The following PARP8 variants were observed in gnomAD, a reference collection of about 807,000 sequenced individuals.
PARP8 encodes protein mono-ADP-ribosyltransferase PARP8.
In PARP8, 51 loss-of-function variants were observed where a neutral mutation model predicts 124.1. The ratio of observed to expected loss-of-function variants is 0.41; its 90% CI spans 0.33 to 0.52. The LOEUF is 0.52. Among genes scored for constraint, PARP8 ranks in the 20% least tolerant of loss-of-function variants. PARP8 has a pLI of 0.21. For missense variants in PARP8, 860 were observed against 1,018.9 expected (o/e 0.84, Z 2.12); for synonymous variants, 391 against 361.5 (o/e 1.08, Z -0.93).
intron 2 of PARP8, among the ~76,000 whole-genome samples, chr5:50,697,259 AAAAC>A (rs940563663): frequency 1.2e-4 from 18 of 152,182 alleles, no homozygotes; most frequent in African/African-American, 4.1e-4. Context: ...CGTCTCAAAG[AAAAC>A]AAACAAAAAA....
At chr5:50,835,388 CAAAAATTA>C (rs1747460972) in intron 25 of PARP8, among the ~76,000 whole-genome samples, 1 of 151,982 alleles carries the variant, frequency 6.6e-6, no homozygotes, top group African/African-American at 2.4e-5. Context: ...ACTAAAAATA[CAAAAATTA>C]GCTGGGCGCG....
intron 1 of PARP8, chr5:50,667,614 C>A (rs1327249121): frequency 2.9e-6 from 2 of 698,920 alleles, no homozygotes; most frequent in Non-Finnish European, 5.2e-6. Context: ...AAGCTGCGCC[C>A]GGCGCCGAGG....
intron 15 of PARP8, among the ~76,000 whole-genome samples, chr5:50,815,990 G>T (rs1745057263): frequency 6.7e-6 from 1 of 150,230 alleles, no homozygotes; most frequent in African/African-American, 2.5e-5. Context: ...AAAATTTCCA[G>T]ATTTTTTTTT....
At chr5:50,741,276 C>T (rs531834655) in intron 2 of PARP8, among the ~76,000 whole-genome samples, 1 of 151,954 alleles carries the variant, frequency 6.6e-6, no homozygotes, top group African/African-American at 2.4e-5. Context: ...ATGACATGCT[C>T]TATCTACTAT....
At chr5:50,786,721 C>G (rs553977590) in intron 9 of PARP8, among the ~76,000 whole-genome samples, 3 of 152,076 alleles carry the variant, frequency 2.0e-5, no homozygotes, top group Admixed American at 2.0e-4. Context: ...AATCTTCCAT[C>G]CGCTTGGCCA....
At chr5:50,714,552 C>G (rs1261564927) in intron 2 of PARP8, among the ~76,000 whole-genome samples, 1 of 152,052 alleles carries the variant, frequency 6.6e-6, no homozygotes, top group Non-Finnish European at 1.5e-5. Flanking sequence ...TAGGTAGCCA[C>G]TGATTTTGCA....
chr5:50,768,171 A>G (rs1191235687), intron 7 of PARP8, among the ~76,000 whole-genome samples: 1 of 152,210 alleles, frequency 6.6e-6, no homozygotes, highest in Admixed American at 6.5e-5. Context: ...TTATAGACAA[A>G]GGAGGACCAA....
At chr5:50,794,067 GTA>G in intron 10 of PARP8, 138 bp from the exon 11 acceptor site, 1 of 880,960 alleles carries the variant, frequency 1.1e-6, no homozygotes, top group Non-Finnish European at 1.6e-6. Flanking sequence ...GAAAAATCTT[GTA>G]TGATTCTAAA....
chr5:50,688,160 T>C (rs1752082101), intron 2 of PARP8, among the ~76,000 whole-genome samples: 1 of 152,200 alleles, frequency 6.6e-6, no homozygotes, highest in African/African-American at 2.4e-5. Flanking sequence ...CAGGAAAATT[T>C]CTAAGAAATA....
intron 2 of PARP8, among the ~76,000 whole-genome samples, chr5:50,685,012 T>C (rs912546194): frequency 1.3e-5 from 2 of 152,212 alleles, no homozygotes; most frequent in African/African-American, 2.4e-5. Flanking sequence ...AGCTCCTTTT[T>C]TGTTTTTTTT....
chr5:50,773,256 A>G (rs1761807747), intron 7 of PARP8, among the ~76,000 whole-genome samples: 1 of 152,222 alleles, frequency 6.6e-6, no homozygotes, highest in South Asian at 2.1e-4. Flanking sequence ...TGGCCAGACA[A>G]ATGCCATGAA....
chr5:50,836,672 T>A (rs13180000), intron 25 of PARP8, among the ~76,000 whole-genome samples: 32,255 of 152,074 alleles, frequency 0.21, 3,592 homozygotes, highest in South Asian at 0.33. Flanking sequence ...AGAAGCTAAC[T>A]GCACACAGTA....
At chr5:50,793,116 C>T (rs185389064) in intron 10 of PARP8, among the ~76,000 whole-genome samples, 2 of 152,182 alleles carry the variant, frequency 1.3e-5, no homozygotes, top group Admixed American at 1.3e-4. Context: ...CTACTTGCTG[C>T]GGTACTCTGA....
At chr5:50,754,405 T>A (rs1759673304) in intron 3 of PARP8, among the ~76,000 whole-genome samples, 1 of 151,684 alleles carries the variant, frequency 6.6e-6, no homozygotes, top group Non-Finnish European at 1.5e-5. Flanking sequence ...CATTGTTCAA[T>A]TCCCACCTAT....
intron 2 of PARP8, among the ~76,000 whole-genome samples, chr5:50,679,726 G>T (rs554686572): frequency 5.3e-5 from 8 of 152,206 alleles, no homozygotes; most frequent in Admixed American, 2.0e-4. Flanking sequence ...TTCTGTTGAG[G>T]GCTAAGTTCA....
chr5:50,778,002 A>G (rs1740226120), intron 7 of PARP8, 67 bp from the exon 8 acceptor site: 11 of 1,184,320 alleles, frequency 9.3e-6, no homozygotes, highest in Non-Finnish European at 1.3e-5. Flanking sequence ...TAAATAAAAT[A>G]ACCTAACACA....
Position 50,730,075 on chromosome 5 carries a change from A to G in PARP8, c.147-20076A>G, listed in dbSNP as rs180679572. On this transcript the variant is annotated intron_variant, in intron 2 of 25. Transcript: ENST00000281631. ...TGTTTTTGCTTGTGTACTACTAATT[A>G]GGAAGCACCTTGTATAGTTCCTCTT... Among the ~76,000 whole-genome samples, 107 of 152,320 alleles carry G rather than the reference A, an allele frequency of 7.0e-4. 2 individuals carry two copies. In the East Asian group the frequency reaches 0.018, roughly 26 times the overall value.
intron 2 of PARP8, among the ~76,000 whole-genome samples, chr5:50,686,408 C>T (rs1751867387): frequency 6.6e-6 from 1 of 152,234 alleles, no homozygotes; most frequent in South Asian, 2.1e-4. Flanking sequence ...GTAGCCCCCT[C>T]CTGGCTGCTT....
At chr5:50,756,717 G>A (rs1419078115) in intron 3 of PARP8, among the ~76,000 whole-genome samples, 4 of 152,056 alleles carry the variant, frequency 2.6e-5, no homozygotes, top group Admixed American at 6.6e-5. Context: ...TAATTACCAC[G>A]ATCAAATTAA....
Sources: gnomAD v4.1 joint callset for allele counts (sites outside exome capture counted in the v4.1 genomes callset) on GRCh38, gnomAD v4.1.1 for gene constraint, MANE v1.5 for transcripts, NCBI Gene and HGNC (gene_info 2026-07-23, HGNC 2026-07-21) for gene names.